The following ATXN10 variants were observed in gnomAD, a reference collection of about 807,000 sequenced individuals.
The protein encoded by ATXN10 is ataxin 10, also known as ataxin-10.
ATXN10 carries 28 observed loss-of-function variants against 52.9 expected under a neutral mutation model. The observed-to-expected ratio is 0.53, with a 90% CI of 0.39 to 0.73. ATXN10 has a LOEUF of 0.73. Among genes scored for constraint, ATXN10 ranks in the 30% least tolerant of loss-of-function variants. The pLI is 0.00. For synonymous variants in ATXN10, 226 were observed against 221.5 expected, an observed-to-expected ratio of 1.02 and a Z score of -0.18; for missense variants, 565 against 577.0, an observed-to-expected ratio of 0.98 and a Z score of 0.21.
chr22:45,689,594 A>G (rs1451177930), intron 1 of ATXN10, 118 bp from the exon 2 acceptor site: 7 of 813,452 alleles, frequency 8.6e-6, no homozygotes, highest in African/African-American at 1.7e-5. Flanking sequence ...TTAAGGAGCT[A>G]AAGCAGATAA....
chr22:45,689,586 A>T, intron 1 of ATXN10, 126 bp from the exon 2 acceptor site: 1 of 747,076 alleles, frequency 1.3e-6, no homozygotes, highest in Non-Finnish European at 2.3e-6. Flanking sequence ...GTTGTAAATT[A>T]AGGAGCTAAA....
chr22:45,728,600 G>A lies in ATXN10; in HGVS notation c.729-825G>A, dbSNP rs969763515. The stretch of plus-strand genomic sequence containing the variant: ...TTGCTAATAAGCAGTTTAGATGTTC[G>A]TACCCTGTCTTCTATAGAAATTAGA... On this transcript the variant is annotated intron_variant, in intron 6 of 11. Transcript: ENST00000252934. The surrounding 1 kb of genome is among the most constrained non-coding windows in gnomAD (Gnocchi z 4.3). Among the ~76,000 whole-genome samples the A allele has an allele frequency of 2.0e-5, 3 of 152,040 alleles. No homozygotes were observed. The highest frequency in any genetic ancestry group is 2.9e-5 in the Non-Finnish European group (2 of 68,010).
At chr22:45,756,406 A>G (rs1026933143) in intron 9 of ATXN10, among the ~76,000 whole-genome samples, 1 of 151,774 alleles carries the variant, frequency 6.6e-6, no homozygotes, top group Non-Finnish European at 1.5e-5. Flanking sequence ...TGCCTCCCAA[A>G]GCATTGGAAT....
At chr22:45,721,693 T>C (rs552808038) in intron 6 of ATXN10, among the ~76,000 whole-genome samples, 12 of 152,334 alleles carry the variant, frequency 7.9e-5, no homozygotes, top group African/African-American at 2.9e-4. Context: ...ATCACCGTTA[T>C]GTATAGAAGG....
intron 10 of ATXN10, among the ~76,000 whole-genome samples, chr22:45,811,082 CTTTGA>C (rs1316757466): frequency 6.6e-6 from 1 of 152,128 alleles, no homozygotes; most frequent in African/African-American, 2.4e-5. Flanking sequence ...TTTTTGTCTA[CTTTGA>C]TTTATCAGAG....
chr22:45,726,579 G>A (rs928185164), intron 6 of ATXN10, among the ~76,000 whole-genome samples: 2 of 152,026 alleles, frequency 1.3e-5, no homozygotes, highest in East Asian at 1.9e-4. Flanking sequence ...ATGGTCTATC[G>A]ATTTTATTTA....
At chr22:45,697,337 A>G (rs935189647) in intron 3 of ATXN10, among the ~76,000 whole-genome samples, 3 of 151,936 alleles carry the variant, frequency 2.0e-5, no homozygotes, top group Non-Finnish European at 4.4e-5. Flanking sequence ...GTTTCACCAC[A>G]TTGGCCAGGC....
chr22:45,734,389 T>C (rs914436061), intron 7 of ATXN10: 3 of 281,740 alleles, frequency 1.1e-5, no homozygotes, highest in Non-Finnish European at 2.3e-5. Flanking sequence ...TGGAAATTAG[T>C]CTTTCTGTCA....
Position 45,759,624 on chromosome 22 carries a change from A to G in ATXN10, c.1173+19086A>G, listed in dbSNP as rs984421739. On this transcript the variant is annotated intron_variant, in intron 9 of 11. Coordinates refer to ENST00000252934, the MANE Select transcript of ATXN10 (RefSeq NM_013236.4). The surrounding 1 kb of genome is among the most constrained non-coding windows in gnomAD (Gnocchi z 5.4). The stretch of plus-strand genomic sequence containing the variant: ...CTGAGGGAGCTGAGGCTGCACGAGG[A>G]TGAGCAAGGTTTCATAATGTCCTCC... Among the ~76,000 whole-genome samples, 2 of 152,150 alleles carry G rather than the reference A, an allele frequency of 1.3e-5. No homozygotes were observed. The highest frequency in any genetic ancestry group is 2.9e-5 in the Non-Finnish European group (2 of 68,020).
At chr22:45,743,625 A>G (rs1925621382) in intron 9 of ATXN10, among the ~76,000 whole-genome samples, 2 of 152,174 alleles carry the variant, frequency 1.3e-5, no homozygotes, top group African/African-American at 2.4e-5. Context: ...CTCCAAGACT[A>G]AAGATCTGAG....
chr22:45,725,899 G>A (rs530289504), intron 6 of ATXN10, among the ~76,000 whole-genome samples: 18 of 152,016 alleles, frequency 1.2e-4, no homozygotes, highest in African/African-American at 3.4e-4. Context: ...TTTTTTCTGC[G>A]TCTATTGGGA....
In ATXN10 at chr22:45,708,064, G is replaced by GT. The variant is rs982687745; in HGVS notation, c.647+5224dup. ...GCAAATGTGATTCCAATAACTTTGG[G>GT]TTTTTTTATTTGAGTATACTAGAGA... is the stretch of plus-strand genomic sequence containing the variant. On this transcript the variant is annotated intron_variant, in intron 5 of 11. Transcript: ENST00000252934. This position sits in a 1 kb window ranked among gnomAD's most constrained non-coding sequence, Gnocchi z 5.3. Among the ~76,000 whole-genome samples the GT allele has an allele frequency of 2.0e-5, 3 of 152,108 alleles. No homozygotes were observed. Among genetic ancestry groups the GT allele is most frequent in the Admixed American group, 6.5e-5 (1 of 15,270 alleles).
At chr22:45,711,628 G>A (rs5765585) in intron 5 of ATXN10, among the ~76,000 whole-genome samples, 44,682 of 151,894 alleles carry the variant, frequency 0.29, 6,843 homozygotes, top group East Asian at 0.49. Flanking sequence ...ACTGGGTAAG[G>A]GTACACAGAA....
chr22:45,749,110 CTAGGCTCCAGGCCCTTGACCTG>C (rs67094519), intron 9 of ATXN10, among the ~76,000 whole-genome samples: 87,103 of 152,028 alleles, frequency 0.57, 26,357 homozygotes, highest in East Asian at 0.75. Flanking sequence ...TGCAAACTAA[CTAGGCTCCAGGCCCTTGACCTG>C]TGCTTCATCG....
intron 5 of ATXN10, among the ~76,000 whole-genome samples, chr22:45,716,449 C>T (rs1924450156): frequency 6.6e-6 from 1 of 151,438 alleles, no homozygotes; most frequent in South Asian, 2.1e-4. Context: ...GATTCTCATA[C>T]CTCTGCCTCC....
Position 45,789,932 on chromosome 22 carries a change from G to A in ATXN10, c.1174-17027G>A, listed in dbSNP as rs548131817. ...ACTGCAAAATCACTTTGACCTCAAG[G>A]TGGAAAATTCATTCCATATTAAGAT... is the stretch of plus-strand genomic sequence containing the variant. On this transcript the variant is annotated intron_variant, in intron 9 of 11. Coordinates refer to ENST00000252934, the MANE Select transcript of ATXN10 (RefSeq NM_013236.4). This position sits in a 1 kb window ranked among gnomAD's most constrained non-coding sequence, Gnocchi z 4.0. Among the ~76,000 whole-genome samples the A allele has an allele frequency of 5.9e-5, 9 of 152,244 alleles. No individual in the cohort carries two copies. In the South Asian group the frequency reaches 1.7e-3, roughly 28 times the overall value.
At chr22:45,822,523 ATTTTTTTTTT>A (rs763159693) in intron 10 of ATXN10, among the ~76,000 whole-genome samples, 1 of 96,634 alleles carries the variant, frequency 1.0e-5, no homozygotes, top group Admixed American at 1.2e-4. Context: ...AATTTCTCCA[ATTTTTTTTTT>A]TTTTTTTTTT....
rs117398298 is a variant in ATXN10 at position 45,785,440 on chromosome 22, T to C, written c.1174-21519T>C. Among the ~76,000 whole-genome samples the C allele has an allele frequency of 6.4e-3, 969 of 152,370 alleles. 7 individuals are homozygous for C. The highest frequency in any genetic ancestry group is 0.015 in the South Asian group (71 of 4,832). Reference sequence around the variant, plus strand: ...TTTTTTTCTTATGATTCAGCTAGTTTAAAGTTCTTTATAAAGAATGCAACA... The same window carrying C: ...TTTTTTTCTTATGATTCAGCTAGTTCAAAGTTCTTTATAAAGAATGCAACA... On this transcript the variant is annotated intron_variant, in intron 9 of 11. Transcript: ENST00000252934.
chr22:45,689,400 C>T (rs1601589622), intron 1 of ATXN10: 2 of 393,836 alleles, frequency 5.1e-6, no homozygotes, highest in Non-Finnish European at 9.6e-6. Context: ...CAGTTACTGG[C>T]TGAGTGATTT....
Sources: gnomAD v4.1 joint callset for allele counts (sites outside exome capture counted in the v4.1 genomes callset) on GRCh38, gnomAD v4.1.1 for gene constraint, Gnocchi (gnomAD v3.1) non-coding constraint, MANE v1.5 for transcripts, NCBI Gene and HGNC (gene_info 2026-07-23, HGNC 2026-07-21) for gene names.